THSD4: variants seen among roughly 807,000 people sequenced by gnomAD.
THSD4 encodes the protein thrombospondin type-1 domain-containing protein 4.
Under a neutral mutation model 119.0 loss-of-function variants are expected in THSD4, and 69 were observed. The observed-to-expected ratio is 0.58, with a 90% confidence interval of 0.48 to 0.71. The LOEUF (loss-of-function observed/expected upper bound fraction) is 0.71, where lower values mean the gene tolerates loss of function less well. Ranked by LOEUF, THSD4 falls within the 30% of genes least tolerant of loss-of-function variation. The probability of loss-of-function intolerance (pLI) is 0.00; values close to 1 mark genes in which losing one functional copy is unlikely to be tolerated. For synonymous variants in THSD4, 524 were observed against 540.4 expected (o/e 0.97, Z 0.42); for missense variants, 1,393 against 1,391.1 (o/e 1.00, Z -0.02).
At chr15:71,306,515 A>G (rs1481165319) in intron 6 of THSD4, among the ~76,000 whole-genome samples, 5 of 152,102 alleles carry the variant, frequency 3.3e-5, no homozygotes, top group Non-Finnish European at 7.3e-5. Flanking sequence ...TGAGAAATTA[A>G]GGTAAACAAA....
intron 6 of THSD4, among the ~76,000 whole-genome samples, chr15:71,273,150 A>G (rs2044552483): frequency 6.6e-6 from 1 of 152,222 alleles, no homozygotes; most frequent in African/African-American, 2.4e-5. Context: ...CTAAGTGCCT[A>G]TCGACAGCTG....
Position 71,391,356 on chromosome 15 carries a change from T to C in THSD4, c.1016-20331T>C, listed in dbSNP as rs116884730. On this transcript the variant is annotated intron_variant, in intron 6 of 17. Transcript: ENST00000261862. ...TCATGCCGGCTAATTTTAAAATTCT[T>C]TTTGTAGAGACAGGGTCTTGCTATG... Among the ~76,000 whole-genome samples, 1,112 of 152,198 alleles carry C rather than the reference T, an allele frequency of 7.3e-3. 8 individuals are homozygous for C. The highest frequency in any genetic ancestry group is 0.01 in the Admixed American group (154 of 15,302).
At chr15:71,273,866 T>C (rs1486090165) in intron 6 of THSD4, among the ~76,000 whole-genome samples, 3 of 152,216 alleles carry the variant, frequency 2.0e-5, no homozygotes, top group African/African-American at 4.8e-5. Context: ...GGATATCCAA[T>C]AGCTCAGAGA....
At chr15:71,223,058 C>G (rs2043987557) in intron 4 of THSD4, among the ~76,000 whole-genome samples, 2 of 152,294 alleles carry the variant, frequency 1.3e-5, no homozygotes, top group South Asian at 4.1e-4. Context: ...CCTGAGTGCT[C>G]AGTAAAGGCG....
chr15:71,238,387 G>C (rs1310556707), intron 4 of THSD4, among the ~76,000 whole-genome samples: 3 of 152,082 alleles, frequency 2.0e-5, no homozygotes, highest in Non-Finnish European at 4.4e-5. Flanking sequence ...ATATTTACAA[G>C]GTTGTGTGAC....
chr15:71,301,586 C>T, intron 6 of THSD4, among the ~76,000 whole-genome samples: 1 of 152,206 alleles, frequency 6.6e-6, no homozygotes, highest in African/African-American at 2.4e-5. Flanking sequence ...CCCTCTAGTA[C>T]TCTGCCTTTT....
intron 4 of THSD4, 111 bp downstream of exon 4, chr15:71,215,510 A>G (rs2043925450): frequency 4.4e-6 from 5 of 1,137,620 alleles, no homozygotes; most frequent in Admixed American, 3.6e-5. Context: ...CGACTAATGC[A>G]TTGCTCTGCC....
chr15:71,783,309 C>T lies in THSD4; in HGVS notation c.*5935C>T, dbSNP rs1011765966. 2 of 152,106 alleles carry T rather than the reference C, an allele frequency of 1.3e-5. No individual in the cohort carries two copies. The highest frequency in any genetic ancestry group is 4.8e-5 in the African/African-American group (2 of 41,416). The allele number at this position is 152,106 out of a possible 1,614,324, so 9.4% of individuals were successfully genotyped here. A position where few individuals can be genotyped will look rare whatever the true frequency, so the allele number is the denominator to read the frequency against. On this transcript the variant is annotated 3_prime_UTR_variant, in exon 18 of 18. Transcript: ENST00000261862. ...TTGACAAGCGTGTGCTTTCTCTGGC[C>T]TTATTCGCGTTCTGTTCTCCTGCAA...
intron 7 of THSD4, among the ~76,000 whole-genome samples, chr15:71,484,250 T>C (rs1259111557): frequency 6.6e-6 from 1 of 152,224 alleles, no homozygotes; most frequent in African/African-American, 2.4e-5. Context: ...ACCAGCATAG[T>C]TGACTCATGA....
intron 6 of THSD4, among the ~76,000 whole-genome samples, chr15:71,326,710 T>A (rs867991625): frequency 1.5e-5 from 1 of 68,582 alleles, no homozygotes; most frequent in East Asian, 4.9e-4. Context: ...AATATATATA[T>A]ATATATATAT....
chr15:71,304,216 C>G lies in THSD4; in HGVS notation c.1015+47501C>G, dbSNP rs1303352049. ...TCTCTCCACTGCATGAAACATGGCA[C>G]AAGCTCTGGCCCATCTGGCTGTGAC... is the stretch of plus-strand genomic sequence containing the variant. On this transcript the variant is annotated intron_variant, in intron 6 of 17. Coordinates refer to ENST00000261862, the MANE Select transcript of THSD4 (RefSeq NM_024817.3). Among the ~76,000 whole-genome samples the G allele has an allele frequency of 3.9e-5, 6 of 152,090 alleles. No individual in the cohort carries two copies. In the East Asian group the frequency reaches 1.2e-3, roughly 30 times the overall value.
chr15:71,644,894 G>T, intron 7 of THSD4, among the ~76,000 whole-genome samples: 1 of 148,878 alleles, frequency 6.7e-6, no homozygotes, highest in East Asian at 2.1e-4. Flanking sequence ...GTTAGTTCAT[G>T]GAATCCTTAG....
intron 6 of THSD4, among the ~76,000 whole-genome samples, chr15:71,398,168 G>T (rs557039604): frequency 1.3e-5 from 2 of 152,300 alleles, no homozygotes; most frequent in East Asian, 3.9e-4. Context: ...AGTCACATCT[G>T]CAAGGTCAGG....
intron 3 of THSD4, among the ~76,000 whole-genome samples, chr15:71,174,106 T>G (rs2043414148): frequency 6.6e-6 from 1 of 152,114 alleles, no homozygotes; most frequent in African/African-American, 2.4e-5. Context: ...AAATTAAAAT[T>G]TTGTGCCTTA....
chr15:71,316,079 C>A (rs867746765), intron 6 of THSD4, among the ~76,000 whole-genome samples: 1 of 152,148 alleles, frequency 6.6e-6, no homozygotes, highest in African/African-American at 2.4e-5. Flanking sequence ...TTGGGGATAA[C>A]TTCAAAGTTA....
At chr15:71,340,237 C>T (rs975453837) in intron 6 of THSD4, among the ~76,000 whole-genome samples, 4 of 152,222 alleles carry the variant, frequency 2.6e-5, no homozygotes, top group Non-Finnish European at 5.9e-5. Context: ...TGGCATATGC[C>T]TTGGCTTCAC....
chr15:71,392,591 A>G (rs2046392053), intron 6 of THSD4, among the ~76,000 whole-genome samples: 1 of 152,194 alleles, frequency 6.6e-6, no homozygotes, highest in Admixed American at 6.5e-5. Flanking sequence ...CCTTCCTGCC[A>G]CATTTCTTTG....
At chr15:71,378,963 A>T (rs1385138397) in intron 6 of THSD4, among the ~76,000 whole-genome samples, 2 of 151,894 alleles carry the variant, frequency 1.3e-5, no homozygotes, top group African/African-American at 4.8e-5. Context: ...TTTTTATTTT[A>T]TGTAGAGACA....
At chr15:71,256,067 C>T (rs539661530) in intron 5 of THSD4, among the ~76,000 whole-genome samples, 3 of 152,242 alleles carry the variant, frequency 2.0e-5, no homozygotes, top group Admixed American at 6.5e-5. Flanking sequence ...GCCCCTATAA[C>T]GATTCTGAGT....
Sources: allele counts gnomAD v4.1 joint callset (sites outside exome capture counted in the v4.1 genomes callset), GRCh38; gene constraint gnomAD v4.1.1; transcripts MANE v1.5; gene names NCBI Gene and HGNC (gene_info 2026-07-23, HGNC 2026-07-21).